HNF4G: variants seen among roughly 807,000 people sequenced by gnomAD.
The protein encoded by HNF4G is hepatocyte nuclear factor 4 gamma.
A neutral mutation model predicts 50.9 loss-of-function variants in HNF4G; 21 were observed. The observed-to-expected ratio is 0.41, with a 90% CI of 0.29 to 0.59. The LOEUF is 0.59. Among genes scored for constraint, HNF4G ranks in the 20% least tolerant of loss-of-function variants. The pLI, the probability that HNF4G is intolerant of heterozygous loss-of-function variation, is 0.26. For missense variants in HNF4G, 527 were observed against 559.4 expected (o/e 0.94, Z 0.58); for synonymous variants, 198 against 185.6 (o/e 1.07, Z -0.54).
chr8:75,474,132 C>T (rs1346172708), intron 1 of HNF4G, among the ~76,000 whole-genome samples: 1 of 152,118 alleles, frequency 6.6e-6, no homozygotes, highest in East Asian at 1.9e-4. Context: ...AAAGAGATTC[C>T]TTCTCCCCTG....
intron 9 of HNF4G, among the ~76,000 whole-genome samples, chr8:75,563,474 C>G (rs1026895331): frequency 1.3e-5 from 2 of 149,938 alleles, no homozygotes; most frequent in Non-Finnish European, 3.0e-5. Context: ...TTGACTACAA[C>G]TTAGATTTCA....
At chr8:75,425,055 A>G (rs1426315469) in intron 1 of HNF4G, among the ~76,000 whole-genome samples, 2 of 114,970 alleles carry the variant, frequency 1.7e-5, no homozygotes, top group East Asian at 2.6e-4. Context: ...ACCAACATCA[A>G]TGCAGCCTAT....
chr8:75,496,804 C>CTA (rs71567120), intron 2 of HNF4G, among the ~76,000 whole-genome samples: 25,297 of 148,148 alleles, frequency 0.17, 2,291 homozygotes, highest in African/African-American at 0.24. Flanking sequence ...TACATTATTA[C>CTA]TATATATATA....
At chr8:75,540,121 A>C (rs759500344) in intron 1 of HNF4G, 41 bp downstream of exon 1, 1 of 1,158,276 alleles carries the variant, frequency 8.6e-7, no homozygotes, top group Non-Finnish European at 1.3e-6. Flanking sequence ...AAAAGTAAGT[A>C]TAATTGGAGA....
chr8:75,560,443 C>T lies in HNF4G; in HGVS notation c.1223C>T (p.Thr408Ile). ...GQTILLGPMS[T>I]LVHADQISTP... ...ACTATACTTTTAGGTCCCATGTCAA[C>T]ACTGGTTCATGCAGACCAGATCTGT... Residue 408 changes from threonine to isoleucine, a missense_variant, in exon 9 of 10, where the codon ACA becomes ATA. Thr to Ile is a moderately conservative substitution (Grantham distance 89, BLOSUM62 -1). Coordinates refer to ENST00000396423, the MANE Select transcript of HNF4G (RefSeq NM_004133.5). 1 of 1,613,056 alleles carries T rather than the reference C, an allele frequency of 6.2e-7. No individual in the cohort carries two copies. Among genetic ancestry groups the T allele is most frequent in the Non-Finnish European group, 8.5e-7 (1 of 1,179,198 alleles).
intron 6 of HNF4G, among the ~76,000 whole-genome samples, chr8:75,558,226 T>C (rs1327852166): frequency 6.6e-6 from 1 of 152,218 alleles, no homozygotes; most frequent in African/African-American, 2.4e-5. Context: ...AACTAATCAT[T>C]ATATTTAGAT....
intron 1 of HNF4G, among the ~76,000 whole-genome samples, chr8:75,480,167 TTAA>T (rs1812342957): frequency 1.3e-5 from 2 of 152,178 alleles, no homozygotes; most frequent in African/African-American, 2.4e-5. Context: ...TCCTCAAGAA[TTAA>T]TAATAACACA....
At position 75,496,536 on chromosome 8, in the gene HNF4G, T is replaced by C. The variant is rs1003028440; in HGVS notation, c.-24+6328T>C. ...AGTTATTTTAAACAGCCACCAGAATTCTCCATCTCACAACTTTCAGAGGGG... is the reference window on the plus strand; with the variant it reads ...AGTTATTTTAAACAGCCACCAGAATCCTCCATCTCACAACTTTCAGAGGGG... On this transcript the variant is annotated intron_variant, in intron 2 of 10. Transcript: ENST00000354370. Among the ~76,000 whole-genome samples, 7 of 152,124 alleles carry C rather than the reference T, an allele frequency of 4.6e-5. No individual in the cohort carries two copies. In the East Asian group the frequency reaches 1.4e-3, roughly 29 times the overall value.
At chr8:75,526,594 C>T (rs1431511283) in intron 2 of HNF4G, among the ~76,000 whole-genome samples, 4 of 151,874 alleles carry the variant, frequency 2.6e-5, no homozygotes, top group Non-Finnish European at 1.5e-5. Flanking sequence ...AGTACAGTGG[C>T]ACCATCATAG....
intron 2 of HNF4G, among the ~76,000 whole-genome samples, chr8:75,507,594 T>C (rs572684151): frequency 7.9e-5 from 12 of 152,310 alleles, no homozygotes; most frequent in African/African-American, 2.6e-4. Context: ...AATTTTAAAG[T>C]TTACTATATT....
chr8:75,556,588 T>C (rs537568465), intron 6 of HNF4G, among the ~76,000 whole-genome samples: 1 of 152,096 alleles, frequency 6.6e-6, no homozygotes, highest in African/African-American at 2.4e-5. Context: ...GGAAGGATAA[T>C]AGGTGTGGGG....
chr8:75,560,317 A>T (rs1478494314), intron 8 of HNF4G, 27 bp from the exon 9 acceptor site: 1 of 1,609,538 alleles, frequency 6.2e-7, no homozygotes, highest in South Asian at 1.1e-5. Context: ...AAATATCACT[A>T]ACACAGCATC....
chr8:75,492,601 A>G (rs2130685604), intron 2 of HNF4G, among the ~76,000 whole-genome samples: 1 of 152,266 alleles, frequency 6.6e-6, no homozygotes, highest in African/African-American at 2.4e-5. Context: ...TATCTCATTT[A>G]TTCCTCAAAG....
At chr8:75,452,331 C>T (rs1384695241) in intron 1 of HNF4G, among the ~76,000 whole-genome samples, 1 of 152,100 alleles carries the variant, frequency 6.6e-6, no homozygotes, top group Non-Finnish European at 1.5e-5. Context: ...CACCACAGTA[C>T]ATGATTTATA....
upstream of HNF4G, chr8:75,539,736 C>T (rs1292332391): frequency 1.3e-5 from 5 of 398,970 alleles, no homozygotes; most frequent in Admixed American, 1.3e-4. Context: ...TGAAGCATTC[C>T]AAGATTATCA....
At chr8:75,555,380 T>C (rs1315964506) in intron 5 of HNF4G, among the ~76,000 whole-genome samples, 1 of 152,124 alleles carries the variant, frequency 6.6e-6, no homozygotes, top group Non-Finnish European at 1.5e-5. Context: ...GCCCAGCAGG[T>C]AATTGAGTGT....
intron 1 of HNF4G, among the ~76,000 whole-genome samples, chr8:75,419,047 TA>T (rs1810716019): frequency 6.6e-6 from 1 of 152,202 alleles, no homozygotes; most frequent in Admixed American, 6.5e-5. Flanking sequence ...TCTTGTTTTT[TA>T]AAAAATAATT....
chr8:75,466,343 A>G (rs2130619103), intron 1 of HNF4G, among the ~76,000 whole-genome samples: 1 of 151,976 alleles, frequency 6.6e-6, no homozygotes, highest in South Asian at 2.1e-4. Context: ...TTTACAGTCA[A>G]GTTTATTTTT....
At chr8:75,551,335 C>A in intron 3 of HNF4G, 53 bp from the exon 4 acceptor site, 1 of 1,005,344 alleles carries the variant, frequency 9.9e-7, no homozygotes, top group Non-Finnish European at 1.6e-6. Context: ...AATCTATATT[C>A]TAACATACAC....
Sources: gnomAD v4.1 joint callset for allele counts (sites outside exome capture counted in the v4.1 genomes callset) on GRCh38, gnomAD v4.1.1 for gene constraint, MANE v1.5 for transcripts, NCBI Gene and HGNC (gene_info 2026-07-23, HGNC 2026-07-21) for gene names.